Variants in SWT1 observed in about 807,000 individuals in gnomAD.
SWT1 encodes the protein transcriptional protein SWT1.
SWT1 carries 33 observed loss-of-function variants against 107.3 expected under a neutral mutation model. The ratio of observed to expected loss-of-function variants is 0.31; its 90% CI spans 0.23 to 0.41. SWT1 has a LOEUF of 0.41. Ranked by LOEUF, SWT1 falls within the 10% of genes least tolerant of loss-of-function variation. SWT1 has a pLI of 1.00. For synonymous variants in SWT1, 345 were observed against 348.3 expected, an observed-to-expected ratio of 0.99 and a Z score of 0.11; for missense variants, 898 against 1,028.9, an observed-to-expected ratio of 0.87 and a Z score of 1.74.
chr1:185,198,968 C>T (rs138528259), intron 10 of SWT1, among the ~76,000 whole-genome samples: 4 of 146,334 alleles, frequency 2.7e-5, no homozygotes, highest in African/African-American at 1.0e-4. Context: ...AGACGAGTCT[C>T]GCTCTGTCAT....
chr1:185,284,972 C>T (rs1458116378), intron 18 of SWT1, among the ~76,000 whole-genome samples: 1 of 151,696 alleles, frequency 6.6e-6, no homozygotes, highest in Non-Finnish European at 1.5e-5. Flanking sequence ...CAGCCACACT[C>T]ACACACAGCT....
chr1:185,204,947 T>C, intron 12 of SWT1, 84 bp downstream of exon 12: 1 of 726,576 alleles, frequency 1.4e-6, no homozygotes, highest in Non-Finnish European at 2.1e-6. Context: ...TTGTATAAAA[T>C]GCATACGCTT....
chr1:185,224,386 G>C (rs1659897908), intron 15 of SWT1, among the ~76,000 whole-genome samples: 1 of 151,926 alleles, frequency 6.6e-6, no homozygotes, highest in Non-Finnish European at 1.5e-5. Context: ...GTTAATTTTT[G>C]GTTGTTTGTG....
chr1:185,194,585 T>A (rs1241974762), intron 10 of SWT1, among the ~76,000 whole-genome samples: 5 of 151,708 alleles, frequency 3.3e-5, no homozygotes, highest in Non-Finnish European at 1.5e-5. Flanking sequence ...AAAAAAAAAG[T>A]CTTTTATTAT....
chr1:185,236,763 C>G (rs1660910312), intron 16 of SWT1, among the ~76,000 whole-genome samples: 1 of 152,260 alleles, frequency 6.6e-6, no homozygotes, highest in Admixed American at 6.5e-5. Flanking sequence ...AAACTATCAT[C>G]AGAGTGAACA....
intron 16 of SWT1, among the ~76,000 whole-genome samples, chr1:185,238,834 T>G (rs7550586): frequency 0.32 from 48,727 of 151,906 alleles, 8,050 homozygotes; most frequent in Non-Finnish European, 0.36. Context: ...CAAAATCATG[T>G]TAAATCAAAA....
intron 9 of SWT1, among the ~76,000 whole-genome samples, chr1:185,187,477 C>A (rs1035783289): frequency 1.3e-5 from 2 of 152,010 alleles, no homozygotes; most frequent in African/African-American, 4.8e-5. Flanking sequence ...TTTATTGATT[C>A]ATTTGTTTGC....
chr1:185,231,749 C>A (rs753914398), intron 16 of SWT1, 41 bp downstream of exon 16: 3 of 1,516,120 alleles, frequency 2.0e-6, no homozygotes, highest in Non-Finnish European at 2.7e-6. Context: ...TTACTTATTA[C>A]TTTTCTCTTT....
intron 10 of SWT1, among the ~76,000 whole-genome samples, chr1:185,193,314 A>C (rs1487493657): frequency 6.6e-6 from 1 of 152,106 alleles, no homozygotes; most frequent in African/African-American, 2.4e-5. Flanking sequence ...GTGGCTAAGA[A>C]TATGGTCTGT....
intron 4 of SWT1, among the ~76,000 whole-genome samples, chr1:185,172,749 A>G (rs975104841): frequency 3.9e-5 from 6 of 152,114 alleles, no homozygotes; most frequent in South Asian, 2.1e-4. Context: ...TGCTAATTTG[A>G]TAGAAGAAAA....
Position 185,174,482 on chromosome 1 carries a change from T to G in SWT1, c.335T>G (p.Leu112Trp). The change falls in exon 5 of 19, where the codon TTG becomes TGG. Residue 112 changes from leucine (L) to tryptophan (W), a missense_variant. Transcript: ENST00000367500. The stretch of plus-strand genomic sequence containing the variant: ...TATTCAAATGATAATCAAATTATTT[T>G]GCAGAGTCCTTCTTCAAATGGAACT... ...ASYSNDNQII[L>W]QSPSSNGTKK... is the part of the protein sequence containing the mutation. 1 of 1,611,254 alleles carries G rather than the reference T, an allele frequency of 6.2e-7. No homozygotes were observed. Among genetic ancestry groups the G allele is most frequent in the Non-Finnish European group, 8.5e-7 (1 of 1,179,206 alleles).
chr1:185,186,501 G>A (rs1656475804), intron 9 of SWT1, among the ~76,000 whole-genome samples: 2 of 151,984 alleles, frequency 1.3e-5, no homozygotes. Context: ...AAAAAAATTA[G>A]AATCAACCTG....
At chr1:185,210,143 T>A (rs550046173) in intron 13 of SWT1, among the ~76,000 whole-genome samples, 12 of 152,352 alleles carry the variant, frequency 7.9e-5, no homozygotes, top group African/African-American at 2.6e-4. Flanking sequence ...ATCGATAGAT[T>A]GCAAAAATTT....
At position 185,276,603 on chromosome 1, in the gene SWT1, G is replaced by T; in HGVS notation, c.2509-1G>T. 1 of 1,559,572 alleles carries T rather than the reference G, an allele frequency of 6.4e-7. No homozygotes were observed. Reference sequence around the variant, plus strand: ...AATAACTATATCTTGGTTCCTTTCAGGTAAATAAAAATGTCAAATTTACTG... The same window carrying T: ...AATAACTATATCTTGGTTCCTTTCATGTAAATAAAAATGTCAAATTTACTG... On this transcript the variant is annotated splice_acceptor_variant, in intron 17 of 18. Transcript: ENST00000367500. LOFTEE classifies it high-confidence loss of function.
chr1:185,269,073 C>T (rs1423740885), intron 16 of SWT1, among the ~76,000 whole-genome samples: 1 of 151,926 alleles, frequency 6.6e-6, no homozygotes, highest in Non-Finnish European at 1.5e-5. Flanking sequence ...AGGATGGTCT[C>T]GATCTCCTGA....
chr1:185,199,977 G>A (rs1170633155), intron 10 of SWT1, among the ~76,000 whole-genome samples: 1 of 151,786 alleles, frequency 6.6e-6, no homozygotes, highest in Non-Finnish European at 1.5e-5. Flanking sequence ...TTGTCTTAAG[G>A]CTTCATTTCA....
chr1:185,162,053 C>G (rs1654194490), intron 2 of SWT1, among the ~76,000 whole-genome samples: 1 of 152,108 alleles, frequency 6.6e-6, no homozygotes, highest in Non-Finnish European at 1.5e-5. Context: ...TTTCTGATTA[C>G]AAATTTGGTC....
intron 9 of SWT1, among the ~76,000 whole-genome samples, chr1:185,186,883 T>G (rs537042250): frequency 1.4e-4 from 21 of 150,812 alleles, no homozygotes; most frequent in Non-Finnish European, 2.8e-4. Context: ...GCCTCCCAAG[T>G]AGCTGGGATT....
intron 16 of SWT1, among the ~76,000 whole-genome samples, chr1:185,243,884 ATGTT>A (rs2102617959): frequency 6.6e-6 from 1 of 152,298 alleles, no homozygotes; most frequent in South Asian, 2.1e-4. Context: ...AATCAAAATT[ATGTT>A]TATTATTAAA....
Sources: gnomAD v4.1 joint callset for allele counts (sites outside exome capture counted in the v4.1 genomes callset) on GRCh38, gnomAD v4.1.1 for gene constraint, MANE v1.5 for transcripts, NCBI Gene and HGNC (gene_info 2026-07-23, HGNC 2026-07-21) for gene names.